Variants in DSCAM observed in about 807,000 individuals in gnomAD.
DSCAM encodes the protein cell adhesion molecule DSCAM.
DSCAM carries 47 observed loss-of-function variants against 217.7 expected under a neutral mutation model. That is an observed-to-expected ratio of 0.22 (90% confidence interval 0.17 to 0.28). The LOEUF (loss-of-function observed/expected upper bound fraction) is 0.28. DSCAM is among the 10% of genes least tolerant of loss of function. The pLI is 1.00. For missense variants in DSCAM, 2,080 were observed against 2,618.3 expected (o/e 0.79, Z 4.49); for synonymous variants, 1,056 against 1,015.3 (o/e 1.04, Z -0.76).
intron 3 of DSCAM, among the ~76,000 whole-genome samples, chr21:40,567,608 C>T (rs1194215272): frequency 6.6e-6 from 1 of 152,222 alleles, no homozygotes; most frequent in Non-Finnish European, 1.5e-5. Flanking sequence ...AAATGCCCCT[C>T]CTCATCTCAT....
intron 3 of DSCAM, among the ~76,000 whole-genome samples, chr21:40,646,232 T>C (rs2089944651): frequency 6.6e-6 from 1 of 152,056 alleles, no homozygotes. Context: ...CTGGCCAACA[T>C]GGTGAAACCC....
intron 14 of DSCAM, among the ~76,000 whole-genome samples, chr21:40,186,581 C>A (rs1357350908): frequency 1.3e-5 from 2 of 152,148 alleles, no homozygotes; most frequent in Admixed American, 1.3e-4. Context: ...GGGCTCTGGG[C>A]CGAGTGGTCC....
intron 17 of DSCAM, 96 bp from the exon 18 acceptor site, chr21:40,142,800 A>G: frequency 7.0e-7 from 1 of 1,426,830 alleles, no homozygotes; most frequent in Non-Finnish European, 9.4e-7. Context: ...TCAATATGCA[A>G]GCAAAAAATT....
At chr21:40,533,616 T>TCCATCCATTCAA (rs1555852322) in intron 3 of DSCAM, among the ~76,000 whole-genome samples, 11,931 of 141,150 alleles carry the variant, frequency 0.085, 616 homozygotes, top group Middle Eastern at 0.16. Flanking sequence ...CATCCATCCA[T>TCCATCCATTCAA]CCATCCATCC....
intron 1 of DSCAM, among the ~76,000 whole-genome samples, chr21:40,734,337 C>T (rs8132900): frequency 0.096 from 14,603 of 152,222 alleles, 700 homozygotes; most frequent in Middle Eastern, 0.15. Context: ...TCTTCCCAAA[C>T]CCATCTCTCA....
intron 11 of DSCAM, among the ~76,000 whole-genome samples, chr21:40,242,505 G>A (rs1439271943): frequency 2.0e-5 from 3 of 152,228 alleles, no homozygotes; most frequent in Non-Finnish European, 4.4e-5. Context: ...GGTACCATGT[G>A]TGTCTTCCAG....
rs1035086272 is a variant in DSCAM at position 40,507,412 on chromosome 21, C to T, written c.509-138167G>A. Among the ~76,000 whole-genome samples, 16 of 152,190 alleles carry T rather than the reference C, an allele frequency of 1.1e-4. 1 individual carries two copies. Among genetic ancestry groups the T allele is most frequent in the Admixed American group, 7.9e-4 (12 of 15,282 alleles). ...TTTGTCTTACGGGTAAAAAATACGG[C>T]ATTTACAACTTTACATACACACTGC... On this transcript the variant is annotated intron_variant, in intron 3 of 32. Coordinates refer to ENST00000400454, the MANE Select transcript of DSCAM (RefSeq NM_001389.5).
rs568168173 is a variant in DSCAM at position 40,753,666 on chromosome 21, A to G, written c.44-44895T>C. Among the ~76,000 whole-genome samples the G allele has an allele frequency of 1.5e-3, 227 of 152,330 alleles. 1 individual carries two copies. The highest frequency in any genetic ancestry group is 3.9e-3 in the Admixed American group (60 of 15,302). On this transcript the variant is annotated intron_variant, in intron 1 of 32. Coordinates refer to ENST00000400454, the MANE Select transcript of DSCAM (RefSeq NM_001389.5). The stretch of plus-strand genomic sequence containing the variant: ...TAGTAATTGCTTTTAAACAACCTTT[A>G]GATGAGTCCAGGCATCTTAAATGTC...
At chr21:40,812,633 C>A (rs1308932686) in intron 1 of DSCAM, among the ~76,000 whole-genome samples, 1 of 152,140 alleles carries the variant, frequency 6.6e-6, no homozygotes, top group Non-Finnish European at 1.5e-5. Flanking sequence ...CTTGAGAGTT[C>A]GAAGTGGATA....
chr21:40,383,007 C>G (rs1381059346), intron 3 of DSCAM: 1 of 152,084 alleles, frequency 6.6e-6, no homozygotes, highest in Non-Finnish European at 1.5e-5. Flanking sequence ...GTTGGATATA[C>G]GTAAGCGCTG....
chr21:40,504,852 G>GAA lies in DSCAM; in HGVS notation c.509-135609_509-135608dup, dbSNP rs77640683. ...GGAAACATGCATTACTTTATTATCA[G>GAA]AAAAAAATCTTTTTATTTGTATTTA... On this transcript the variant is annotated intron_variant, in intron 3 of 32. Transcript: ENST00000400454. Among the ~76,000 whole-genome samples, 338 of 150,602 alleles carry GAA rather than the reference G, an allele frequency of 2.2e-3. 1 individual carries two copies. The highest frequency in any genetic ancestry group is 7.7e-3 in the African/African-American group (319 of 41,396).
chr21:40,445,474 C>T (rs1193116754), intron 3 of DSCAM, among the ~76,000 whole-genome samples: 1 of 152,150 alleles, frequency 6.6e-6, no homozygotes, highest in Admixed American at 6.5e-5. Context: ...GCAGGAAATC[C>T]TAATTAAACC....
intron 27 of DSCAM, among the ~76,000 whole-genome samples, chr21:40,074,054 G>T (rs1446918429): frequency 6.6e-6 from 1 of 152,212 alleles, no homozygotes; most frequent in Non-Finnish European, 1.5e-5. Context: ...GATAAGTGAA[G>T]ACAGGTGAAA....
chr21:40,712,782 T>G (rs2090795926), intron 1 of DSCAM, among the ~76,000 whole-genome samples: 1 of 151,980 alleles, frequency 6.6e-6, no homozygotes, highest in South Asian at 2.1e-4. Context: ...TCTCACAGTT[T>G]AGGAACTGAC....
chr21:40,628,723 A>G (rs1459539153), intron 3 of DSCAM, among the ~76,000 whole-genome samples: 1 of 143,020 alleles, frequency 7.0e-6, no homozygotes, highest in Non-Finnish European at 1.5e-5. Context: ...CTATCTATCT[A>G]TCTATCTATC....
At chr21:40,110,130 C>T (rs2089876944) in intron 20 of DSCAM, among the ~76,000 whole-genome samples, 1 of 152,156 alleles carries the variant, frequency 6.6e-6, no homozygotes, top group Non-Finnish European at 1.5e-5. Context: ...TCAAGTGGGT[C>T]CCTGACCCCC....
intron 3 of DSCAM, among the ~76,000 whole-genome samples, chr21:40,457,035 G>C (rs1425225768): frequency 6.6e-6 from 1 of 152,168 alleles, no homozygotes; most frequent in Non-Finnish European, 1.5e-5. Flanking sequence ...AGAGATAAGG[G>C]ATAGAGGGAT....
chr21:40,356,925 T>G (rs949733938), intron 4 of DSCAM, among the ~76,000 whole-genome samples: 3 of 152,254 alleles, frequency 2.0e-5, no homozygotes, highest in African/African-American at 7.2e-5. Context: ...ATGTCTTGGC[T>G]TTCTATTTCT....
At chr21:40,261,271 G>A (rs1033010968) in intron 11 of DSCAM, among the ~76,000 whole-genome samples, 3 of 152,180 alleles carry the variant, frequency 2.0e-5, no homozygotes, top group Non-Finnish European at 4.4e-5. Flanking sequence ...CTGTGCTAAG[G>A]GGGTGAGAAA....
Sources: gnomAD v4.1 joint callset for allele counts (sites outside exome capture counted in the v4.1 genomes callset) on GRCh38, gnomAD v4.1.1 for gene constraint, MANE v1.5 for transcripts, NCBI Gene and HGNC (gene_info 2026-07-23, HGNC 2026-07-21) for gene names.